The following PLEKHA2 variants were observed in gnomAD, a reference collection of about 807,000 sequenced individuals.
PLEKHA2 encodes pleckstrin homology domain containing A2, also known as pleckstrin homology domain-containing family A member 2.
In PLEKHA2, 28 loss-of-function variants were observed where a neutral mutation model predicts 53.2. The observed-to-expected ratio is 0.53, with a 90% confidence interval of 0.39 to 0.72. The LOEUF (loss-of-function observed/expected upper bound fraction) is 0.72, where lower values mean the gene tolerates loss of function less well. PLEKHA2 is among the 30% of genes least tolerant of loss of function. The pLI, the probability that PLEKHA2 is intolerant of heterozygous loss-of-function variation, is 0.00. For missense variants in PLEKHA2, 426 were observed against 537.9 expected (o/e 0.79, Z 2.06); for synonymous variants, 193 against 196.4 (o/e 0.98, Z 0.14).
intron 3 of PLEKHA2, among the ~76,000 whole-genome samples, chr8:38,940,660 G>GGC (rs1554558350): frequency 3.1e-5 from 3 of 97,896 alleles, no homozygotes; most frequent in Middle Eastern, 6.0e-3. Context: ...CGGGGGGGGG[G>GGC]GGTCAGAAAC....
At chr8:38,928,374 G>A (rs749895493) in intron 2 of PLEKHA2, among the ~76,000 whole-genome samples, 1 of 151,186 alleles carries the variant, frequency 6.6e-6, no homozygotes. Flanking sequence ...GCAGCCTCCC[G>A]GATACCTGGG....
chr8:38,968,629 A>C lies in PLEKHA2; in HGVS notation c.875A>C (p.Glu292Ala). The C allele has an allele frequency of 6.2e-7, 1 of 1,614,048 alleles. No individual in the cohort carries two copies. The highest frequency in any genetic ancestry group is 8.5e-7 in the Non-Finnish European group (1 of 1,179,898). The part of the protein sequence containing the change: ...SPEDMHSWIK[E>A]IGAAVQALKC... ...GAAGACATGCACAGCTGGATTAAGG[A>C]GATTGGCGCAGCTGTCCAGGCCCTC... Residue 292 changes from glutamate to alanine, a missense_variant, in exon 11 of 12, where the codon GAG becomes GCG. By Grantham distance (107) the Glu-to-Ala change is moderately radical. Coordinates refer to ENST00000617275, the MANE Select transcript of PLEKHA2 (RefSeq NM_021623.2).
At chr8:38,959,516 C>T (rs1164327959) in intron 10 of PLEKHA2, among the ~76,000 whole-genome samples, 1 of 152,120 alleles carries the variant, frequency 6.6e-6, no homozygotes, top group Non-Finnish European at 1.5e-5. Context: ...GCCTGTTTTC[C>T]TCATCTGTGA....
intron 2 of PLEKHA2, among the ~76,000 whole-genome samples, chr8:38,925,985 G>A (rs1230322087): frequency 6.6e-6 from 1 of 152,252 alleles, no homozygotes. Flanking sequence ...AATTTGGAAT[G>A]TAGGAATGCA....
chr8:38,904,342 G>A (rs1164442257), intron 1 of PLEKHA2, among the ~76,000 whole-genome samples: 4 of 152,366 alleles, frequency 2.6e-5, no homozygotes, highest in South Asian at 4.1e-4. Flanking sequence ...AGGCTTGGGG[G>A]CTTTGGCCCT....
intron 11 of PLEKHA2, chr8:38,968,953 C>G (rs1177894415): frequency 1.9e-5 from 7 of 362,346 alleles, no homozygotes; most frequent in Non-Finnish European, 3.0e-5. Flanking sequence ...GACTGGAGTG[C>G]AGTGGCACGA....
intron 1 of PLEKHA2, among the ~76,000 whole-genome samples, chr8:38,914,336 G>T (rs1268258660): frequency 6.6e-6 from 1 of 152,240 alleles, no homozygotes; most frequent in African/African-American, 2.4e-5. Context: ...GGCCCTTGTG[G>T]GGATGGGAGA....
At chr8:38,931,133 C>T (rs1564123099) in intron 2 of PLEKHA2, among the ~76,000 whole-genome samples, 1 of 152,098 alleles carries the variant, frequency 6.6e-6, no homozygotes, top group Admixed American at 6.5e-5. Context: ...CAGAAATTAG[C>T]CGGGTGTGGT....
chr8:38,950,986 G>A lies in PLEKHA2; in HGVS notation c.482G>A (p.Ser161Asn), dbSNP rs763534989. 22 of 1,613,376 alleles carry A rather than the reference G, an allele frequency of 1.4e-5. No individual in the cohort carries two copies. The Admixed American group carries it at 3.7e-4, about 27-fold the overall frequency. The change falls in exon 6 of 12, where the codon AGC becomes AAC. Residue 161 changes from serine to asparagine, a missense_variant. Physicochemically the swap from Ser to Asn is conservative, Grantham distance 46. Transcript: ENST00000617275. ...GGGGTGGTGGTCCACACACCCATCA[G>A]CCAGGTGAGGGGCCTGACTGGGGCT... ...IGGVVVHTPISQNGGDGQEGS... is the reference protein window; with the variant it reads ...IGGVVVHTPINQNGGDGQEGS...
intron 10 of PLEKHA2, among the ~76,000 whole-genome samples, chr8:38,965,078 T>C (rs1835111231): frequency 1.3e-5 from 2 of 152,152 alleles, no homozygotes; most frequent in African/African-American, 4.8e-5. Flanking sequence ...TGAGCCCTTA[T>C]TACTTGCAAA....
intron 1 of PLEKHA2, among the ~76,000 whole-genome samples, chr8:38,911,265 C>G (rs188202369): frequency 2.0e-5 from 3 of 151,040 alleles, no homozygotes; most frequent in Admixed American, 2.0e-4. Context: ...GAGAGGGAGT[C>G]TCACTCTGTC....
chr8:38,911,813 G>A (rs897359790), intron 1 of PLEKHA2, among the ~76,000 whole-genome samples: 1 of 151,822 alleles, frequency 6.6e-6, no homozygotes, highest in African/African-American at 2.4e-5. Context: ...CCATCTCTAC[G>A]AAGAATTAAA....
chr8:38,906,087 C>G (rs1417582769), intron 1 of PLEKHA2, among the ~76,000 whole-genome samples: 1 of 152,258 alleles, frequency 6.6e-6, no homozygotes, highest in Non-Finnish European at 1.5e-5. Flanking sequence ...CCAGGACTCG[C>G]AGCTGTTGTT....
rs1274180021 is a variant in PLEKHA2 at position 38,969,762 on chromosome 8, C to T, written c.1257C>T (p.Asn419=). ...TTATGTTCAACCTTGATGATGAAAA[C>T]ATACGGACCTCTGATGTGTGATGGA... The part of the protein sequence containing the change: ...KPFMFNLDDE[N]IRTSDV The change falls in exon 12 of 12, where the codon AAC becomes AAT. Residue 419 remains asparagine (N), a synonymous_variant. Coordinates refer to ENST00000617275, the MANE Select transcript of PLEKHA2 (RefSeq NM_021623.2). 6 of 1,297,714 alleles carry T rather than the reference C, an allele frequency of 4.6e-6. No homozygotes were observed. The highest frequency in any genetic ancestry group is 6.1e-6 in the Non-Finnish European group (6 of 987,226). 80.4% of individuals were successfully genotyped at this position (1,297,714 alleles called of 1,614,324 possible). A position where few individuals can be genotyped will look rare whatever the true frequency, so the allele number is the denominator to read the frequency against.
intron 1 of PLEKHA2, among the ~76,000 whole-genome samples, chr8:38,906,112 T>G (rs1298864909): frequency 6.6e-6 from 1 of 152,256 alleles, no homozygotes; most frequent in East Asian, 1.9e-4. Flanking sequence ...AGCCCAATAG[T>G]GAAACCGAAT....
At chr8:38,921,532 GATTTGTCA>G (rs1369349567) in intron 2 of PLEKHA2, among the ~76,000 whole-genome samples, 1 of 152,216 alleles carries the variant, frequency 6.6e-6, no homozygotes. Context: ...CCCTCACTCT[GATTTGTCA>G]CTGGGGCCCA....
chr8:38,962,082 G>A (rs1835051487), intron 10 of PLEKHA2, among the ~76,000 whole-genome samples: 1 of 152,202 alleles, frequency 6.6e-6, no homozygotes, highest in South Asian at 2.1e-4. Flanking sequence ...GGAAAAAGAA[G>A]GCTTTGAAGG....
intron 5 of PLEKHA2, among the ~76,000 whole-genome samples, chr8:38,949,099 G>A (rs530601955): frequency 3.3e-5 from 5 of 152,186 alleles, no homozygotes; most frequent in South Asian, 2.1e-4. Context: ...TCGAACTCCC[G>A]ACCTCAGGTG....
At chr8:38,907,959 G>T (rs1449654198) in intron 1 of PLEKHA2, among the ~76,000 whole-genome samples, 1 of 151,960 alleles carries the variant, frequency 6.6e-6, no homozygotes, top group Non-Finnish European at 1.5e-5. Context: ...GGGCTCAAGA[G>T]ATTCTCCTGC....
Sources: allele counts gnomAD v4.1 joint callset (sites outside exome capture counted in the v4.1 genomes callset), GRCh38; gene constraint gnomAD v4.1.1; transcripts MANE v1.5; gene names NCBI Gene and HGNC (gene_info 2026-07-23, HGNC 2026-07-21).